OSBPL2: variants seen among roughly 807,000 people sequenced by gnomAD.
OSBPL2 encodes the protein oxysterol binding protein like 2.
OSBPL2 carries 18 observed loss-of-function variants against 58.4 expected under a neutral mutation model. The observed-to-expected ratio is 0.31, with a 90% CI of 0.21 to 0.46. OSBPL2 has a LOEUF of 0.46. Ranked by LOEUF, OSBPL2 falls within the 20% of genes least tolerant of loss-of-function variation. OSBPL2 has a pLI of 1.00. For missense variants in OSBPL2, 461 were observed against 616.5 expected (o/e 0.75, Z 2.67); for synonymous variants, 221 against 234.1 (o/e 0.94, Z 0.51).
chr20:62,250,051 G>T (rs1190258713), intron 1 of OSBPL2, among the ~76,000 whole-genome samples: 1 of 152,218 alleles, frequency 6.6e-6, no homozygotes, highest in Admixed American at 6.5e-5. Flanking sequence ...CTCCAGGGTT[G>T]CCCCCTTAGG....
intron 6 of OSBPL2, among the ~76,000 whole-genome samples, chr20:62,274,110 C>CCCCG (rs1485367957): frequency 1.3e-5 from 2 of 152,230 alleles, no homozygotes; most frequent in Non-Finnish European, 2.9e-5. Flanking sequence ...AGAGGTCCAG[C>CCCCG]CGGGCCCCAG....
chr20:62,248,629 G>A (rs183985254), intron 1 of OSBPL2, among the ~76,000 whole-genome samples: 23 of 152,220 alleles, frequency 1.5e-4, no homozygotes, highest in African/African-American at 5.1e-4. Flanking sequence ...GTCAGCACCG[G>A]ATCCCCAGTC....
intron 4 of OSBPL2, among the ~76,000 whole-genome samples, chr20:62,270,097 T>C (rs1981959087): frequency 6.6e-6 from 1 of 152,212 alleles, no homozygotes; most frequent in African/African-American, 2.4e-5. Flanking sequence ...GAGCGCGTCC[T>C]TGTGGTGCTG....
rs1046110925 is a variant in OSBPL2, at chr20:62,255,522, G to A, written c.-128-535G>A. Among the ~76,000 whole-genome samples the A allele has an allele frequency of 1.5e-4, 23 of 151,538 alleles. 1 individual carries two copies. Among genetic ancestry groups the A allele is most frequent in the Admixed American group, 1.4e-3 (21 of 15,240 alleles). ...AATTATTTATTTGTTTATTTATTTC[G>A]AGACAGAGTCTCATTTTGTCACCCA... On this transcript the variant is annotated intron_variant, in intron 1 of 13. Transcript: ENST00000313733.
At chr20:62,267,897 T>TTATG (rs1981792410) in intron 4 of OSBPL2, among the ~76,000 whole-genome samples, 1 of 148,558 alleles carries the variant, frequency 6.7e-6, no homozygotes, top group Admixed American at 6.8e-5. Context: ...ATTTATTTAT[T>TTATG]TTTTTGAGGG....
At chr20:62,266,686 C>T (rs953996735) in intron 4 of OSBPL2, among the ~76,000 whole-genome samples, 2 of 152,200 alleles carry the variant, frequency 1.3e-5, no homozygotes, top group African/African-American at 4.8e-5. Flanking sequence ...TCTCCTCCCT[C>T]GTATTTTGAA....
At chr20:62,250,636 G>T (rs902176164) in intron 1 of OSBPL2, among the ~76,000 whole-genome samples, 1 of 152,184 alleles carries the variant, frequency 6.6e-6, no homozygotes, top group African/African-American at 2.4e-5. Flanking sequence ...AAAAAGGCTA[G>T]CGGGCCAGGT....
rs552523464 is a variant in OSBPL2 at position 62,288,665 on chromosome 20, C to G, written c.1126-542C>G. 6.6e-6 allele frequency among the ~76,000 whole-genome samples: 1 copy of G among 152,232 alleles called. No individual in the cohort carries two copies. The highest frequency in any genetic ancestry group is 2.1e-4 in the South Asian group (1 of 4,820). On this transcript the variant is annotated intron_variant, in intron 11 of 13. Transcript: ENST00000313733. This position sits in a 1 kb window ranked among gnomAD's most constrained non-coding sequence, Gnocchi z 4.8. ...CTCGGGTGTGCTGTCCACAAGACGC[C>G]GAGCAGACAGCTGCGAGCCAGAAGT...
At chr20:62,258,698 T>C (rs558471057) in intron 2 of OSBPL2, among the ~76,000 whole-genome samples, 2 of 152,062 alleles carry the variant, frequency 1.3e-5, no homozygotes, top group South Asian at 2.1e-4. Context: ...ATCCATGTAG[T>C]GTTGGCTGAG....
chr20:62,292,655 G>A (rs544654120), intron 13 of OSBPL2, among the ~76,000 whole-genome samples: 1 of 152,098 alleles, frequency 6.6e-6, no homozygotes, highest in Non-Finnish European at 1.5e-5. Flanking sequence ...AAAATCTTTG[G>A]GTGTTTGTGA....
Position 62,272,219 on chromosome 20 carries a change from ACAGGGCCTCCTGC to A in OSBPL2, c.357_369del (p.Arg119SerfsTer40). The A allele has an allele frequency of 6.2e-7, 1 of 1,613,736 alleles. No individual in the cohort carries two copies. Among genetic ancestry groups the A allele is most frequent in the Non-Finnish European group, 8.5e-7 (1 of 1,179,932 alleles). ...TACATGGAGCACGTGTACCTCATCCACAGGGCCTCCTGCCAGCCCCAGCCCCTGGAGAGGATGC... is the reference window on the plus strand; with the variant it reads ...TACATGGAGCACGTGTACCTCATCCACAGCCCCAGCCCCTGGAGAGGATGC... On this transcript the variant is annotated frameshift_variant, in exon 5 of 14. Coordinates refer to ENST00000313733, the MANE Select transcript of OSBPL2 (RefSeq NM_144498.4). LOFTEE classifies it high-confidence loss of function.
chr20:62,276,768 G>A (rs755170683), intron 6 of OSBPL2, among the ~76,000 whole-genome samples: 4 of 152,112 alleles, frequency 2.6e-5, no homozygotes, highest in African/African-American at 9.7e-5. Flanking sequence ...GACTGGCCAC[G>A]AGAACCACTT....
rs542629647 is a variant in OSBPL2 at position 62,291,327 on chromosome 20, G to A, written c.1250-376G>A. ...TAAAGGGAGCTCGTCTTTGGGAGAT[G>A]GGCTCTGAGTTGCACAGGTGGGGCT... On this transcript the variant is annotated intron_variant, in intron 12 of 13. Coordinates refer to ENST00000313733, the MANE Select transcript of OSBPL2 (RefSeq NM_144498.4). 6.2e-5 allele frequency: 21 copies of A among 338,980 alleles called. No individual in the cohort carries two copies. In the Admixed American group the frequency reaches 6.8e-4, roughly 11 times the overall value. The allele number at this position is 338,980 out of a possible 1,614,324, so 21.0% of individuals were successfully genotyped here.
At chr20:62,241,242 C>T (rs957253441) in intron 1 of OSBPL2, among the ~76,000 whole-genome samples, 7 of 151,912 alleles carry the variant, frequency 4.6e-5, no homozygotes, top group African/African-American at 1.5e-4. Flanking sequence ...GCGAACTCGG[C>T]TCACTGCAAA....
intron 6 of OSBPL2, 28 bp downstream of exon 6, chr20:62,273,434 A>G (rs1184439259): frequency 6.8e-7 from 1 of 1,480,612 alleles, no homozygotes; most frequent in East Asian, 2.3e-5. Context: ...CATCATAAAT[A>G]TCTTGTAAAT....
chr20:62,284,344 C>T (rs1347266348), intron 10 of OSBPL2, 175 bp downstream of exon 10: 2 of 653,916 alleles, frequency 3.1e-6, no homozygotes, highest in Non-Finnish European at 5.3e-6. Context: ...GTTCCAGTAT[C>T]AGTGAGGGGG....
intron 13 of OSBPL2, among the ~76,000 whole-genome samples, chr20:62,292,936 C>T (rs7264959): frequency 0.029 from 4,387 of 150,016 alleles, 223 homozygotes; most frequent in African/African-American, 0.1. Flanking sequence ...GGCGTGATCT[C>T]GGCTCACTGC....
chr20:62,260,140 G>T lies in OSBPL2; in HGVS notation c.182+15G>T, dbSNP rs369805788. 18 of 1,610,878 alleles carry T rather than the reference G, an allele frequency of 1.1e-5. No homozygotes were observed. Among genetic ancestry groups the T allele is most frequent in the Non-Finnish European group, 1.5e-5 (18 of 1,178,130 alleles). On this transcript the variant is annotated intron_variant, in intron 3 of 13. Transcript: ENST00000313733. Reference sequence around the variant, plus strand: ...CAGAAACACAGGTATGTTCTCTCACGTCTGCTGTTTCTAAAATGTGTCTGT... The same window carrying T: ...CAGAAACACAGGTATGTTCTCTCACTTCTGCTGTTTCTAAAATGTGTCTGT...
chr20:62,266,424 C>A (rs1024469397), intron 4 of OSBPL2, among the ~76,000 whole-genome samples: 4 of 152,256 alleles, frequency 2.6e-5, no homozygotes, highest in African/African-American at 4.8e-5. Flanking sequence ...ACAGTCCCAA[C>A]ATAGACAGAC....
Sources: allele counts gnomAD v4.1 joint callset (sites outside exome capture counted in the v4.1 genomes callset), GRCh38; gene constraint gnomAD v4.1.1; non-coding constraint Gnocchi (gnomAD v3.1); transcripts MANE v1.5; gene names NCBI Gene and HGNC (gene_info 2026-07-23, HGNC 2026-07-21).